Variants in PRKCA observed in about 807,000 individuals in gnomAD.
The protein encoded by PRKCA is protein kinase C alpha, also known as protein kinase C alpha type.
A neutral mutation model predicts 87.0 loss-of-function variants in PRKCA; 27 were observed. That is an observed-to-expected ratio of 0.31 (90% CI 0.23 to 0.43). PRKCA has a LOEUF of 0.43. Among genes scored for constraint, PRKCA ranks in the 20% least tolerant of loss-of-function variants. PRKCA has a pLI of 1.00. For missense variants in PRKCA, 518 were observed against 852.3 expected, an observed-to-expected ratio of 0.61 and a Z score of 4.88; for synonymous variants, 329 against 311.1, an observed-to-expected ratio of 1.06 and a Z score of -0.61.
At chr17:66,777,446 G>A (rs1975082550) in intron 14 of PRKCA, 1 of 946,186 alleles carries the variant, frequency 1.1e-6, no homozygotes, top group African/African-American at 2.2e-5. Flanking sequence ...CCAAATCAAA[G>A]CATTCCTCTT....
chr17:66,334,192 G>T (rs1208846093), intron 2 of PRKCA, among the ~76,000 whole-genome samples: 1 of 152,206 alleles, frequency 6.6e-6, no homozygotes, highest in Non-Finnish European at 1.5e-5. Flanking sequence ...GGAGGTTACA[G>T]TGAGCTGAGA....
chr17:66,478,757 C>CT (rs11370217), intron 2 of PRKCA, among the ~76,000 whole-genome samples: 65,076 of 151,860 alleles, frequency 0.43, 14,428 homozygotes, highest in African/African-American at 0.54. Context: ...GAGACAGCCC[C>CT]GTATCACGTT....
chr17:66,703,092 T>A (rs1973101496), intron 8 of PRKCA, among the ~76,000 whole-genome samples: 1 of 152,206 alleles, frequency 6.6e-6, no homozygotes, highest in Non-Finnish European at 1.5e-5. Context: ...ACACTTAGGC[T>A]ACACTCAATT....
chr17:66,487,894 T>C (rs1049598424), intron 2 of PRKCA, among the ~76,000 whole-genome samples: 30 of 152,208 alleles, frequency 2.0e-4, no homozygotes, highest in African/African-American at 7.2e-4. Context: ...TTTCCAATTC[T>C]GTAGGTTGTT....
chr17:66,494,013 T>G (rs75812949), intron 2 of PRKCA, among the ~76,000 whole-genome samples: 3,513 of 152,282 alleles, frequency 0.023, 128 homozygotes, highest in African/African-American at 0.08. Context: ...TTCAGAACCT[T>G]TCAGTGATTT....
chr17:66,413,392 C>T (rs1012392837), intron 2 of PRKCA, among the ~76,000 whole-genome samples: 1 of 152,232 alleles, frequency 6.6e-6, no homozygotes, highest in African/African-American at 2.4e-5. Flanking sequence ...GGCACCTCAG[C>T]AACCAGGAGC....
At chr17:66,370,228 CTTTTTTTTT>C (rs35851942) in intron 2 of PRKCA, among the ~76,000 whole-genome samples, 7 of 112,244 alleles carry the variant, frequency 6.2e-5, no homozygotes, top group African/African-American at 2.5e-4. Flanking sequence ...TATTTTGATA[CTTTTTTTTT>C]TTTTTTTTTT....
intron 8 of PRKCA, among the ~76,000 whole-genome samples, chr17:66,690,505 A>G (rs1173815837): frequency 6.6e-6 from 1 of 152,060 alleles, no homozygotes; most frequent in South Asian, 2.1e-4. Flanking sequence ...ATACATTCTG[A>G]TTTATCTTAA....
At chr17:66,503,796 G>C in intron 3 of PRKCA, among the ~76,000 whole-genome samples, 1 of 152,188 alleles carries the variant, frequency 6.6e-6, no homozygotes, top group South Asian at 2.1e-4. Flanking sequence ...AAAATTTAAA[G>C]CATTTAAAAT....
chr17:66,394,255 G>C (rs1910533944), intron 2 of PRKCA, among the ~76,000 whole-genome samples: 1 of 152,180 alleles, frequency 6.6e-6, no homozygotes, highest in Non-Finnish European at 1.5e-5. Flanking sequence ...AGCTGTCCCA[G>C]GCCAGGATCG....
chr17:66,554,462 C>A, intron 3 of PRKCA: 1 of 817,776 alleles, frequency 1.2e-6, no homozygotes. Context: ...GTGTTTCAAA[C>A]TTTGGGCTGG....
chr17:66,648,296 A>G (rs116701932), intron 5 of PRKCA, among the ~76,000 whole-genome samples: 1,618 of 152,354 alleles, frequency 0.011, 21 homozygotes, highest in African/African-American at 0.037. Context: ...GAAGATATGA[A>G]TTCAGACCAC....
At chr17:66,438,669 A>G (rs79323045) in intron 2 of PRKCA, among the ~76,000 whole-genome samples, 10,050 of 152,220 alleles carry the variant, frequency 0.066, 477 homozygotes, top group African/African-American at 0.13. Flanking sequence ...TAATTGATTC[A>G]TGGTTCTGCA....
intron 3 of PRKCA, among the ~76,000 whole-genome samples, chr17:66,509,238 A>G (rs1369662968): frequency 6.6e-6 from 1 of 151,464 alleles, no homozygotes; most frequent in East Asian, 1.9e-4. Flanking sequence ...ATGTTGACTC[A>G]ATGCAATTAT....
At chr17:66,351,805 C>G (rs1277965907) in intron 2 of PRKCA, among the ~76,000 whole-genome samples, 5 of 152,076 alleles carry the variant, frequency 3.3e-5, no homozygotes, top group Non-Finnish European at 7.4e-5. Context: ...TGCTGCCAGG[C>G]TACAAGGGAG....
chr17:66,347,565 A>C (rs954148333), intron 2 of PRKCA, among the ~76,000 whole-genome samples: 1 of 152,164 alleles, frequency 6.6e-6, no homozygotes, highest in African/African-American at 2.4e-5. Flanking sequence ...CGCATTCTTT[A>C]GTTTGGAAAA....
Position 66,689,138 on chromosome 17 carries a change from CA to C in PRKCA, c.918+100del, listed in dbSNP as rs895689643. ...ATGTTGTGGTCACATTTTTGAAAAGCAAAAAAAAAGTAATCTCAATGTTAAT... is the reference window on the plus strand; with the variant it reads ...ATGTTGTGGTCACATTTTTGAAAAGCAAAAAAAAGTAATCTCAATGTTAAT... On this transcript the variant is annotated intron_variant, in intron 8 of 16. Coordinates refer to ENST00000413366, the MANE Select transcript of PRKCA (RefSeq NM_002737.3). The surrounding 1 kb of genome is among the most constrained non-coding windows in gnomAD (Gnocchi z 4.1). 1.9e-3 allele frequency: 1,391 copies of C among 726,610 alleles called. No homozygotes were observed. The highest frequency in any genetic ancestry group is 3.2e-3 in the South Asian group (142 of 44,450). The allele number at this position is 726,610 out of a possible 1,614,324, so 45.0% of individuals were successfully genotyped here. A position where few individuals can be genotyped will look rare whatever the true frequency, so the allele number is the denominator to read the frequency against.
chr17:66,711,838 C>T lies in PRKCA; in HGVS notation c.919-20850C>T, dbSNP rs144092832. ...TTTTTAGAGTTTCTCATCTCTAGAA[C>T]TTGTATCTCACCCTGCAGATGTGCC... On this transcript the variant is annotated intron_variant, in intron 8 of 16. Coordinates refer to ENST00000413366, the MANE Select transcript of PRKCA (RefSeq NM_002737.3). 4.4e-3 allele frequency among the ~76,000 whole-genome samples: 674 copies of T among 152,238 alleles called. 9 individuals carry two copies. Among genetic ancestry groups the T allele is most frequent in the African/African-American group, 0.013 (551 of 41,538 alleles).
At chr17:66,460,138 T>G (rs1914778453) in intron 2 of PRKCA, among the ~76,000 whole-genome samples, 1 of 152,216 alleles carries the variant, frequency 6.6e-6, no homozygotes, top group African/African-American at 2.4e-5. Flanking sequence ...TCTAACGGAC[T>G]GGGCATTTGT....
Sources: gnomAD v4.1 joint callset for allele counts (sites outside exome capture counted in the v4.1 genomes callset) on GRCh38, gnomAD v4.1.1 for gene constraint, Gnocchi (gnomAD v3.1) non-coding constraint, MANE v1.5 for transcripts, NCBI Gene and HGNC (gene_info 2026-07-23, HGNC 2026-07-21) for gene names.